Variants in CAST observed in about 807,000 individuals in gnomAD.
The protein encoded by CAST is MIR583 host.
Under a neutral mutation model 119.6 loss-of-function variants are expected in CAST, and 76 were observed. The ratio of observed to expected loss-of-function variants is 0.64; its 90% CI spans 0.53 to 0.77. CAST has a LOEUF of 0.77. Ranked by LOEUF, CAST falls within the 30% of genes least tolerant of loss-of-function variation. The probability of loss-of-function intolerance (pLI) is 0.00; values close to 1 mark genes in which losing one functional copy is unlikely to be tolerated. For missense variants in CAST, 953 were observed against 946.5 expected (o/e 1.01, Z -0.09); for synonymous variants, 319 against 331.6 (o/e 0.96, Z 0.41).
the CAST span, among the ~76,000 whole-genome samples, chr5:96,269,646 A>G: frequency 6.6e-6 from 1 of 152,322 alleles, no homozygotes; most frequent in Non-Finnish European, 1.5e-5. Context: ...ATGCCAACAA[A>G]TTGGAAAACC....
intron 1 of CAST, among the ~76,000 whole-genome samples, chr5:96,533,342 G>A (rs981896231): frequency 6.6e-6 from 1 of 152,070 alleles, no homozygotes; most frequent in Non-Finnish European, 1.5e-5. Flanking sequence ...GAAAATCTCT[G>A]GATTAGAGCT....
chr5:96,175,301 G>A, the CAST span, among the ~76,000 whole-genome samples: 1 of 152,136 alleles, frequency 6.6e-6, no homozygotes, highest in African/African-American at 2.4e-5. Flanking sequence ...GGCAACCAGT[G>A]CCAGTGAAAG....
At chr5:96,618,191 ATC>A (rs1323734500) in intron 1 of CAST, among the ~76,000 whole-genome samples, 1 of 152,228 alleles carries the variant, frequency 6.6e-6, no homozygotes, top group Non-Finnish European at 1.5e-5. Flanking sequence ...AATGTTGAGC[ATC>A]TTAGGATATT....
At chr5:96,310,259 C>A in the CAST span, among the ~76,000 whole-genome samples, 2,029 of 152,292 alleles carry the variant, frequency 0.013, 35 homozygotes, top group South Asian at 0.082. Flanking sequence ...GTTGAATCAT[C>A]CTTACATCCC....
chr5:96,308,698 C>T, the CAST span: 38,725 of 152,208 alleles, frequency 0.25, 5,659 homozygotes, highest in Admixed American at 0.39. Context: ...AGTTTTCCTT[C>T]TAACAGTCAG....
chr5:96,422,335 A>T, the CAST span, among the ~76,000 whole-genome samples: 2 of 152,166 alleles, frequency 1.3e-5, no homozygotes, highest in African/African-American at 4.8e-5. Context: ...CTAGTTAGTG[A>T]CACTTTGACA....
At chr5:96,531,396 C>G (rs896782046) in intron 1 of CAST, among the ~76,000 whole-genome samples, 1 of 152,108 alleles carries the variant, frequency 6.6e-6, no homozygotes, top group African/African-American at 2.4e-5. Flanking sequence ...TGGTATACCA[C>G]CACACTCACC....
At chr5:96,617,766 T>C (rs1313417481) in intron 1 of CAST, among the ~76,000 whole-genome samples, 2 of 107,360 alleles carry the variant, frequency 1.9e-5, no homozygotes, top group East Asian at 6.4e-4. Flanking sequence ...CACTCCAGCC[T>C]GGGCAACAGA....
At position 96,636,469 on chromosome 5, in the gene CAST, T is replaced by C. The variant is rs181135668; in HGVS notation, c.61-39070T>C. Among the ~76,000 whole-genome samples, 1,174 of 152,250 alleles carry C rather than the reference T, an allele frequency of 7.7e-3. 19 individuals carry two copies. The highest frequency in any genetic ancestry group is 0.027 in the African/African-American group (1,128 of 41,540). ...CAAAGCCTTCTCTGATTCCTTAAGA[T>C]GTCCCATAAATTTTCTTTAGCTGTC... On this transcript the variant is annotated intron_variant, in intron 1 of 11. Transcript: ENST00000505143.
chr5:96,742,459 G>A, intron 15 of CAST, 196 bp from the exon 16 acceptor site: 1 of 562,286 alleles, frequency 1.8e-6, no homozygotes, highest in Non-Finnish European at 3.2e-6. Context: ...ACGTGTCTTA[G>A]CCCCAATTTC....
At chr5:96,271,022 C>A in the CAST span, among the ~76,000 whole-genome samples, 1 of 151,660 alleles carries the variant, frequency 6.6e-6, no homozygotes, top group South Asian at 2.1e-4. Context: ...AAGAAAGCAA[C>A]CCCATTTACA....
At chr5:96,240,731 CTTTCTT>C in the CAST span, among the ~76,000 whole-genome samples, 2 of 110,848 alleles carry the variant, frequency 1.8e-5, no homozygotes, top group African/African-American at 7.0e-5. Context: ...GCCCAGCTAA[CTTTCTT>C]TTTTTTTTTT....
the CAST span, among the ~76,000 whole-genome samples, chr5:96,061,699 G>T: frequency 6.6e-6 from 1 of 151,840 alleles, no homozygotes; most frequent in African/African-American, 2.4e-5. Context: ...GTAGCCAGAA[G>T]TAAGAATACT....
chr5:96,354,377 C>A, the CAST span, among the ~76,000 whole-genome samples: 1 of 152,168 alleles, frequency 6.6e-6, no homozygotes, highest in Non-Finnish European at 1.5e-5. Context: ...ACCCTCACCA[C>A]CCCATCTATG....
chr5:96,421,864 A>G, the CAST span: 28 of 1,313,340 alleles, frequency 2.1e-5, no homozygotes, highest in African/African-American at 3.1e-4. Context: ...TTTCACACAA[A>G]TGCATATTTA....
the CAST span, among the ~76,000 whole-genome samples, chr5:96,266,035 T>C: frequency 6.6e-6 from 1 of 152,206 alleles, no homozygotes; most frequent in Non-Finnish European, 1.5e-5. Flanking sequence ...GGGGGTCTTC[T>C]GGTTCCACAA....
intron 1 of CAST, among the ~76,000 whole-genome samples, chr5:96,591,588 TG>T (rs1162646357): frequency 6.6e-6 from 1 of 152,230 alleles, no homozygotes; most frequent in Non-Finnish European, 1.5e-5. Context: ...GTCTGGCCTC[TG>T]GTTGTTTACA....
intron 1 of CAST, among the ~76,000 whole-genome samples, chr5:96,622,191 A>G (rs1458055150): frequency 6.6e-6 from 1 of 151,774 alleles, no homozygotes; most frequent in African/African-American, 2.4e-5. Context: ...GACGGTCTCT[A>G]TCTCCTGACC....
At chr5:96,679,397 A>C (rs569409360) in intron 2 of CAST, 1 of 152,384 alleles carries the variant, frequency 6.6e-6, no homozygotes, top group African/African-American at 2.4e-5. Context: ...AAAAAGAAAA[A>C]TGAAAACACT....
Sources: gnomAD v4.1 joint callset for allele counts (sites outside exome capture counted in the v4.1 genomes callset) on GRCh38, gnomAD v4.1.1 for gene constraint, MANE v1.5 for transcripts, NCBI Gene and HGNC (gene_info 2026-07-23, HGNC 2026-07-21) for gene names.